The following RAPGEF5 variants were observed in gnomAD, a reference collection of about 807,000 sequenced individuals.
RAPGEF5 encodes Rap guanine nucleotide exchange factor 5.
A neutral mutation model predicts 125.2 loss-of-function variants in RAPGEF5; 65 were observed. The observed-to-expected ratio is 0.52, with a 90% CI of 0.43 to 0.64. RAPGEF5 has a LOEUF of 0.64. Ranked by LOEUF, RAPGEF5 falls within the 30% of genes least tolerant of loss-of-function variation. The pLI is 0.00. For synonymous variants in RAPGEF5, 391 were observed against 385.9 expected (o/e 1.01, Z -0.16); for missense variants, 958 against 1,048.1 (o/e 0.91, Z 1.19).
intron 7 of RAPGEF5, among the ~76,000 whole-genome samples, chr7:22,240,895 A>G (rs35430878): frequency 0.1 from 15,192 of 152,202 alleles, 858 homozygotes; most frequent in Middle Eastern, 0.13. Context: ...AAAGAAAAAC[A>G]ACTCTGAGCC....
At chr7:22,142,765 C>T (rs1783305587) in intron 20 of RAPGEF5, among the ~76,000 whole-genome samples, 2 of 152,342 alleles carry the variant, frequency 1.3e-5, no homozygotes, top group Admixed American at 6.5e-5. Flanking sequence ...TCCACTCAAT[C>T]CACAGAGGTG....
At chr7:22,305,887 TTC>T (rs1783327086) in intron 5 of RAPGEF5, among the ~76,000 whole-genome samples, 1 of 152,240 alleles carries the variant, frequency 6.6e-6, no homozygotes, top group Admixed American at 6.5e-5. Context: ...CTATCTCTCA[TTC>T]TTTTTTATGG....
intron 20 of RAPGEF5, 73 bp from the exon 21 acceptor site, chr7:22,140,188 T>G: frequency 8.0e-6 from 11 of 1,371,754 alleles, no homozygotes; most frequent in Non-Finnish European, 1.1e-5. Flanking sequence ...AAGATAAAGC[T>G]GAAAAGACCC....
chr7:22,119,551 T>C lies in RAPGEF5; in HGVS notation c.*2855A>G, dbSNP rs1332302748. The stretch of plus-strand genomic sequence containing the variant: ...CAAGGTTGTGATTTTGCCTACGGGG[T>C]CCTGCATTCTGCTGTCTTGTGCTAA... On this transcript the variant is annotated 3_prime_UTR_variant, in exon 26 of 26. Transcript: ENST00000665637. This position sits in a 1 kb window ranked among gnomAD's most constrained non-coding sequence, Gnocchi z 4.1. The C allele has an allele frequency of 6.6e-6, 1 of 152,056 alleles. No homozygotes were observed. The highest frequency in any genetic ancestry group is 1.9e-4 in the East Asian group (1 of 5,190). 9.4% of individuals were successfully genotyped at this position (152,056 alleles called of 1,614,324 possible). A position where few individuals can be genotyped will look rare whatever the true frequency, so the allele number is the denominator to read the frequency against.
intron 10 of RAPGEF5, 149 bp from the exon 11 acceptor site, chr7:22,193,604 C>T: frequency 1.3e-6 from 2 of 1,550,932 alleles, no homozygotes; most frequent in Non-Finnish European, 1.7e-6. Context: ...GAGAGCGCCG[C>T]GGCGGAATCT....
At chr7:22,295,701 T>C (rs1490097343) in intron 5 of RAPGEF5, among the ~76,000 whole-genome samples, 1 of 152,176 alleles carries the variant, frequency 6.6e-6, no homozygotes, top group African/African-American at 2.4e-5. Flanking sequence ...GGAAATTTTG[T>C]TCACTTACGA....
At chr7:22,355,747 C>T (rs1051686051) in intron 1 of RAPGEF5, among the ~76,000 whole-genome samples, 2 of 152,134 alleles carry the variant, frequency 1.3e-5, no homozygotes, top group Non-Finnish European at 2.9e-5. Flanking sequence ...TCAGTTCAGA[C>T]CCTTCCCTAC....
chr7:22,265,493 A>G (rs1354850287), intron 7 of RAPGEF5, among the ~76,000 whole-genome samples: 1 of 152,124 alleles, frequency 6.6e-6, no homozygotes, highest in Non-Finnish European at 1.5e-5. Flanking sequence ...AATTTTCTTT[A>G]TCCATTTATC....
At chr7:22,235,056 T>TA (rs1202831175) in intron 7 of RAPGEF5, among the ~76,000 whole-genome samples, 1 of 152,116 alleles carries the variant, frequency 6.6e-6, no homozygotes, top group Non-Finnish European at 1.5e-5. Context: ...CCCATTTCTT[T>TA]AAAAAAATCT....
In RAPGEF5 at chr7:22,198,984, C is replaced by G. The variant is rs1448334857; in HGVS notation, c.997-4951G>C. On this transcript the variant is annotated intron_variant, in intron 9 of 25. Transcript: ENST00000665637. ...CCTAAGATGGCCAATGCTCTATATT[C>G]TAGATGACAGCTATCAAAGGAGATG... Among the ~76,000 whole-genome samples the G allele has an allele frequency of 2.0e-5, 3 of 152,210 alleles. No homozygotes were observed. The East Asian group carries it at 5.8e-4, about 29-fold the overall frequency.
chr7:22,139,771 A>G (rs1783198186), intron 21 of RAPGEF5: 2 of 376,024 alleles, frequency 5.3e-6, no homozygotes, highest in Non-Finnish European at 1.0e-5. Flanking sequence ...TGTGGGGACC[A>G]GCCTGGAACG....
At chr7:22,319,961 A>T (rs1419207686) in intron 1 of RAPGEF5, among the ~76,000 whole-genome samples, 1 of 152,074 alleles carries the variant, frequency 6.6e-6, no homozygotes. Flanking sequence ...TGTTACACTC[A>T]CACAATTCCA....
Position 22,315,425 on chromosome 7 carries a change from T to G in RAPGEF5, c.334A>C (p.Ile112Leu). 6.5e-7 allele frequency: 1 copy of G among 1,535,894 alleles called. No homozygotes were observed. Among genetic ancestry groups the G allele is most frequent in the Non-Finnish European group, 8.8e-7 (1 of 1,141,816 alleles). Residue 112 changes from isoleucine (I) to leucine (L), a missense_variant, in exon 3 of 26, where the codon ATC (isoleucine) becomes CTC (leucine). Physicochemically the swap from Ile to Leu is conservative, Grantham distance 5. Coordinates refer to ENST00000665637, the MANE Select transcript of RAPGEF5 (RefSeq NM_012294.5). ...CAGRALRNIIIVQAADLIKDR... is the reference protein window; with the variant it reads ...CAGRALRNIILVQAADLIKDR... ...TTTATCAGGTCAGCTGCTTGAACGA[T>G]AATAATATTCCTCAATGCTCTTCCT...
rs59174078 is a variant in RAPGEF5 at position 22,245,153 on chromosome 7, T to C, written c.797-14234A>G. ...GTCTATTTAAGTTCTTTGGCCATTT[T>C]AAAATCAGGTTTTCTTCCTATCATG... is the stretch of plus-strand genomic sequence containing the variant. On this transcript the variant is annotated intron_variant, in intron 7 of 25. Transcript: ENST00000665637. Among the ~76,000 whole-genome samples, 1,269 of 152,342 alleles carry C rather than the reference T, an allele frequency of 8.3e-3. 19 individuals carry two copies. Among genetic ancestry groups the C allele is most frequent in the African/African-American group, 0.029 (1,222 of 41,572 alleles).
intron 11 of RAPGEF5, among the ~76,000 whole-genome samples, chr7:22,190,870 T>C (rs1784972643): frequency 6.6e-6 from 1 of 152,178 alleles, no homozygotes; most frequent in East Asian, 1.9e-4. Context: ...ATGGACCCTC[T>C]CCTCCTCACT....
chr7:22,125,832 T>C (rs1782724350), intron 24 of RAPGEF5, among the ~76,000 whole-genome samples, 174 bp from the exon 25 acceptor site: 4 of 152,178 alleles, frequency 2.6e-5, no homozygotes, highest in Admixed American at 2.6e-4. Flanking sequence ...TATCAAAGAA[T>C]ATTTAGTCCT....
chr7:22,255,890 A>C (rs1786747125), intron 7 of RAPGEF5, among the ~76,000 whole-genome samples: 1 of 152,168 alleles, frequency 6.6e-6, no homozygotes, highest in African/African-American at 2.4e-5. Flanking sequence ...CAAGAGTGGG[A>C]GTGTGGCTGG....
intron 7 of RAPGEF5, among the ~76,000 whole-genome samples, chr7:22,252,590 A>T (rs916418028): frequency 1.3e-5 from 2 of 152,226 alleles, no homozygotes; most frequent in African/African-American, 4.8e-5. Context: ...CTCAGGGTTA[A>T]AGGAATCTAA....
chr7:22,239,877 T>C (rs1320278842), intron 7 of RAPGEF5, among the ~76,000 whole-genome samples: 1 of 152,164 alleles, frequency 6.6e-6, no homozygotes, highest in Non-Finnish European at 1.5e-5. Context: ...CAGTAGCCCG[T>C]TTCATTGCCA....
Sources: allele counts gnomAD v4.1 joint callset (sites outside exome capture counted in the v4.1 genomes callset), GRCh38; gene constraint gnomAD v4.1.1; non-coding constraint Gnocchi (gnomAD v3.1); transcripts MANE v1.5; gene names NCBI Gene and HGNC (gene_info 2026-07-23, HGNC 2026-07-21).